RAI1: variants seen among roughly 807,000 people sequenced by gnomAD.
RAI1 encodes retinoic acid-induced protein 1.
RAI1 carries 9 observed loss-of-function variants against 123.8 expected under a neutral mutation model. The observed-to-expected ratio is 0.07, with a 90% CI of 0.04 to 0.13. The LOEUF (loss-of-function observed/expected upper bound fraction) is 0.13. RAI1 is among the 10% of genes least tolerant of loss of function. The pLI is 1.00. For missense variants in RAI1, 2,256 were observed against 2,545.8 expected (o/e 0.89, Z 2.45); for synonymous variants, 1,231 against 1,127.3 (o/e 1.09, Z -1.84).
At chr17:17,707,350 A>G (rs1045869409) in intron 1 of RAI1, among the ~76,000 whole-genome samples, 1 of 152,196 alleles carries the variant, frequency 6.6e-6, no homozygotes, top group Non-Finnish European at 1.5e-5. Context: ...GAAGGGGCTC[A>G]GGGATGGGGG....
At position 17,796,446 on chromosome 17, in the gene RAI1, C is replaced by A. The variant is rs751454353; in HGVS notation, c.3498C>A (p.Gly1166=). The part of the protein sequence containing the change: ...FHSKRRRPSE[G]RLPNCRATKK... ...CCAAGCGGCGGAGGCCCTCTGAGGG[C>A]CGGCTCCCCAACTGCCGTGCCACCA... The change falls in exon 3 of 6, where the codon GGC becomes GGA. Residue 1166 remains glycine (G), a synonymous_variant. Transcript: ENST00000353383. This position sits in a 1 kb window ranked among gnomAD's most constrained non-coding sequence, Gnocchi z 5.8. 17 of 1,612,996 alleles carry A rather than the reference C, an allele frequency of 1.1e-5. No individual in the cohort carries two copies. In the East Asian group the frequency reaches 3.8e-4, roughly 36 times the overall value.
Position 17,810,787 on chromosome 17 carries a change from C to G in RAI1, c.*806C>G. ...TGGGAGCGCAAAACCCAAGAAGCGG[C>G]CAGAACGCACCTCCGGCTCCGGCGG... On this transcript the variant is annotated 3_prime_UTR_variant, in exon 6 of 6. Coordinates refer to ENST00000353383, the MANE Select transcript of RAI1 (RefSeq NM_030665.4). This position sits in a 1 kb window ranked among gnomAD's most constrained non-coding sequence, Gnocchi z 4.6. 1 of 454,906 alleles carries G rather than the reference C, an allele frequency of 2.2e-6. No homozygotes were observed. The highest frequency in any genetic ancestry group is 4.4e-6 in the Non-Finnish European group (1 of 225,624). The allele number at this position is 454,906 out of a possible 1,614,324, so 28.2% of individuals were successfully genotyped here.
At chr17:17,723,919 G>C (rs1309758191) in intron 1 of RAI1, 109 bp from the exon 2 acceptor site, 1 of 148,446 alleles carries the variant, frequency 6.7e-6, no homozygotes, top group Admixed American at 6.7e-5. Flanking sequence ...CGGGGCGCGA[G>C]AGGCGCGGCG....
At position 17,788,547 on chromosome 17, in the gene RAI1, C is replaced by T. The variant is rs146457150; in HGVS notation, c.-16-4386C>T. On this transcript the variant is annotated intron_variant, in intron 2 of 5. Transcript: ENST00000353383. ...TGCCCTGTCCTCAGCTTCTGGAGCC[C>T]TGGTACACTGCTCCTTCATTCTCAG... Among the ~76,000 whole-genome samples the T allele has an allele frequency of 4.1e-3, 632 of 152,304 alleles. 6 individuals are homozygous for T. The highest frequency in any genetic ancestry group is 0.014 in the African/African-American group (594 of 41,548).
intron 2 of RAI1, among the ~76,000 whole-genome samples, chr17:17,774,149 G>A (rs546626797): frequency 6.6e-6 from 1 of 152,316 alleles, no homozygotes; most frequent in South Asian, 2.1e-4. Context: ...GGTAGGTGTG[G>A]GAATTAGCCC....
At chr17:17,700,544 G>C (rs1355079421) in intron 1 of RAI1, among the ~76,000 whole-genome samples, 1 of 152,118 alleles carries the variant, frequency 6.6e-6, no homozygotes, top group South Asian at 2.1e-4. Flanking sequence ...GCACCTGCCC[G>C]GGCCTGAGGC....
At chr17:17,745,269 A>T (rs143961643) in intron 2 of RAI1, among the ~76,000 whole-genome samples, 1 of 151,716 alleles carries the variant, frequency 6.6e-6, no homozygotes, top group Non-Finnish European at 1.5e-5. Flanking sequence ...GGTATTTGGG[A>T]TGTGCTGACT....
At chr17:17,762,662 G>A (rs2030752788) in intron 2 of RAI1, among the ~76,000 whole-genome samples, 1 of 152,204 alleles carries the variant, frequency 6.6e-6, no homozygotes, top group South Asian at 2.1e-4. Context: ...GACTGGCCAG[G>A]GGTTTGATCC....
At chr17:17,760,547 C>T (rs2030647713) in intron 2 of RAI1, among the ~76,000 whole-genome samples, 1 of 152,198 alleles carries the variant, frequency 6.6e-6, no homozygotes. Context: ...CCCCTGACGT[C>T]CAACGTCCAC....
At chr17:17,788,779 G>A (rs909374169) in intron 2 of RAI1, among the ~76,000 whole-genome samples, 11 of 152,170 alleles carry the variant, frequency 7.2e-5, no homozygotes, top group African/African-American at 2.6e-4. Context: ...CTTTCTCTTA[G>A]GAAAAAATTC....
At chr17:17,740,211 T>C (rs1245961047) in intron 2 of RAI1, among the ~76,000 whole-genome samples, 1 of 152,166 alleles carries the variant, frequency 6.6e-6, no homozygotes, top group Non-Finnish European at 1.5e-5. Context: ...AAAGGAGCTG[T>C]GCAGCCTCTA....
chr17:17,689,721 A>T (rs1009662712), intron 1 of RAI1, among the ~76,000 whole-genome samples: 1 of 152,154 alleles, frequency 6.6e-6, no homozygotes, highest in Non-Finnish European at 1.5e-5. Flanking sequence ...TGGTTCTGTC[A>T]TCTGTAAAAT....
In RAI1 at chr17:17,794,247, G is replaced by T; in HGVS notation, c.1299G>T (p.Gln433His). Residue 433 changes from glutamine to histidine, a missense_variant, in exon 3 of 6, where the codon CAG becomes CAT. Transcript: ENST00000353383. Reference protein sequence around the residue: ...PENLLSDLSLQSLTALTSQVE... With the variant: ...PENLLSDLSLHSLTALTSQVE... Reference sequence around the variant, plus strand: ...ACCTGCTGTCGGATCTCAGCCTGCAGAGCCTCACGGCGCTGACCTCACAGG... The same window carrying T: ...ACCTGCTGTCGGATCTCAGCCTGCATAGCCTCACGGCGCTGACCTCACAGG... The T allele has an allele frequency of 6.2e-7, 1 of 1,613,356 alleles. No homozygotes were observed. Among genetic ancestry groups the T allele is most frequent in the Non-Finnish European group, 8.5e-7 (1 of 1,180,042 alleles).
At chr17:17,702,680 C>T (rs1050816848) in intron 1 of RAI1, among the ~76,000 whole-genome samples, 4 of 152,212 alleles carry the variant, frequency 2.6e-5, no homozygotes, top group Admixed American at 2.0e-4. Flanking sequence ...TTGCTCTGGT[C>T]AAGGCAAGGA....
intron 2 of RAI1, among the ~76,000 whole-genome samples, chr17:17,788,256 C>T (rs1166208884): frequency 1.3e-5 from 2 of 152,136 alleles, no homozygotes; most frequent in Non-Finnish European, 2.9e-5. Context: ...CTGCCCGAAG[C>T]AGGCCTCTCA....
At chr17:17,724,974 C>A (rs1450860660) in intron 2 of RAI1, among the ~76,000 whole-genome samples, 1 of 141,784 alleles carries the variant, frequency 7.1e-6, no homozygotes, top group East Asian at 2.1e-4. Context: ...GCCAGGCTGA[C>A]AATGAAATCT....
Position 17,811,350 on chromosome 17 carries a change from G to A in RAI1, c.*1369G>A. ...CACTGAAGATTGTGTGTATCGAGCT[G>A]TTTCTAAAAGATGTTTATTTTCCTT... is the stretch of plus-strand genomic sequence containing the variant. On this transcript the variant is annotated 3_prime_UTR_variant, in exon 6 of 6. Transcript: ENST00000353383. 1 of 239,230 alleles carries A rather than the reference G, an allele frequency of 4.2e-6. No homozygotes were observed. The highest frequency in any genetic ancestry group is 4.0e-5 in the South Asian group (1 of 24,998). The allele number at this position is 239,230 out of a possible 1,614,324, so 14.8% of individuals were successfully genotyped here.
At chr17:17,695,264 C>T (rs910083584) in intron 1 of RAI1, among the ~76,000 whole-genome samples, 2 of 152,194 alleles carry the variant, frequency 1.3e-5, no homozygotes, top group Admixed American at 6.5e-5. Context: ...GGACTGCACA[C>T]CTCACCCGGT....
At chr17:17,781,045 C>G (rs954671747) in intron 2 of RAI1, among the ~76,000 whole-genome samples, 2 of 152,220 alleles carry the variant, frequency 1.3e-5, no homozygotes, top group African/African-American at 4.8e-5. Flanking sequence ...GGAATCTCCA[C>G]CCCCCACCAG....
Sources: allele counts gnomAD v4.1 joint callset (sites outside exome capture counted in the v4.1 genomes callset), GRCh38; gene constraint gnomAD v4.1.1; non-coding constraint Gnocchi (gnomAD v3.1); transcripts MANE v1.5; gene names NCBI Gene and HGNC (gene_info 2026-07-23, HGNC 2026-07-21).